CDK14: variants seen among roughly 807,000 people sequenced by gnomAD.
CDK14 encodes the protein cyclin dependent kinase 14, also known as cyclin-dependent kinase 14.
In CDK14, 34 loss-of-function variants were observed where a neutral mutation model predicts 60.7. That is an observed-to-expected ratio of 0.56 (90% CI 0.43 to 0.75). The LOEUF (loss-of-function observed/expected upper bound fraction) is 0.75. Ranked by LOEUF, CDK14 falls within the 30% of genes least tolerant of loss-of-function variation. The pLI is 0.00. For missense variants in CDK14, 482 were observed against 564.1 expected (o/e 0.85, Z 1.47); for synonymous variants, 197 against 203.7 (o/e 0.97, Z 0.28).
intron 8 of CDK14, among the ~76,000 whole-genome samples, chr7:90,943,061 C>T (rs1422984220): frequency 3.9e-5 from 6 of 152,018 alleles, no homozygotes; most frequent in South Asian, 2.1e-4. Flanking sequence ...GCTAAAGTGT[C>T]GTGCTGAATC....
At chr7:90,883,025 T>C (rs1177804734) in intron 6 of CDK14, among the ~76,000 whole-genome samples, 1 of 150,948 alleles carries the variant, frequency 6.6e-6, no homozygotes, top group Non-Finnish European at 1.5e-5. Context: ...ACATCACAAT[T>C]AAAAGAGCTA....
chr7:90,639,808 C>G (rs528444873), intron 2 of CDK14, among the ~76,000 whole-genome samples: 8 of 152,272 alleles, frequency 5.3e-5, no homozygotes, highest in African/African-American at 1.4e-4. Context: ...TTTACCTAAG[C>G]AAGCCTGGGC....
intron 4 of CDK14, among the ~76,000 whole-genome samples, chr7:90,759,318 A>G (rs879130251): frequency 1.3e-5 from 2 of 152,154 alleles, no homozygotes; most frequent in Non-Finnish European, 2.9e-5. Context: ...ATATTCACTC[A>G]TTGGTTATCA....
chr7:90,876,058 C>T (rs1403494998), intron 6 of CDK14, among the ~76,000 whole-genome samples: 1 of 152,086 alleles, frequency 6.6e-6, no homozygotes, highest in Non-Finnish European at 1.5e-5. Context: ...TGGGCTCTCT[C>T]TTGAATATTT....
At chr7:90,901,809 A>G (rs1792515144) in intron 7 of CDK14, among the ~76,000 whole-genome samples, 1 of 152,042 alleles carries the variant, frequency 6.6e-6, no homozygotes. Flanking sequence ...AAATTGGAAA[A>G]GAAGTCCTCT....
intron 9 of CDK14, among the ~76,000 whole-genome samples, chr7:90,981,122 T>C (rs1795216840): frequency 6.6e-6 from 1 of 152,156 alleles, no homozygotes; most frequent in Admixed American, 6.6e-5. Context: ...CTATTTAAGA[T>C]CCAAGGTATT....
chr7:91,133,462 A>G (rs1261713927), intron 14 of CDK14, among the ~76,000 whole-genome samples: 1 of 152,188 alleles, frequency 6.6e-6, no homozygotes, highest in Non-Finnish European at 1.5e-5. Context: ...AACAGAGTAG[A>G]CCATTTAAAT....
At chr7:90,693,100 T>A (rs951380972) in intron 2 of CDK14, among the ~76,000 whole-genome samples, 1 of 152,202 alleles carries the variant, frequency 6.6e-6, no homozygotes, top group African/African-American at 2.4e-5. Flanking sequence ...CATACTGTTA[T>A]AGGAAGTATT....
chr7:91,196,208 G>A (rs988596857), intron 14 of CDK14, among the ~76,000 whole-genome samples: 1 of 152,224 alleles, frequency 6.6e-6, no homozygotes, highest in Admixed American at 6.5e-5. Flanking sequence ...CAGAAAGAGA[G>A]TAGAATAGTC....
chr7:90,738,626 A>G (rs1405723131), intron 3 of CDK14, among the ~76,000 whole-genome samples: 1 of 152,220 alleles, frequency 6.6e-6, no homozygotes, highest in East Asian at 1.9e-4. Flanking sequence ...ATTGCTGATT[A>G]GCCCTCTGTA....
In CDK14 at chr7:91,003,471, AAAT is replaced by A. The variant is rs547380307; in HGVS notation, c.1041+19233_1041+19235del. Among the ~76,000 whole-genome samples, 334 of 152,292 alleles carry A rather than the reference AAAT, an allele frequency of 2.2e-3. 1 individual carries two copies. The highest frequency in any genetic ancestry group is 7.8e-3 in the African/African-American group (322 of 41,542). On this transcript the variant is annotated intron_variant, in intron 10 of 14. Transcript: ENST00000380050. ...GGCAAAAATGACATGTCTTAGAAAA[AAAT>A]AAATCGTTTGTTCCTTTCTCATGTG...
chr7:91,179,522 G>A (rs1307316333), intron 14 of CDK14, among the ~76,000 whole-genome samples: 1 of 148,404 alleles, frequency 6.7e-6, no homozygotes, highest in Non-Finnish European at 1.5e-5. Flanking sequence ...AAAAAATGCA[G>A]CCCGGCGCAG....
intron 12 of CDK14, among the ~76,000 whole-genome samples, chr7:91,084,207 C>T (rs994315561): frequency 2.6e-5 from 4 of 152,192 alleles, no homozygotes; most frequent in Non-Finnish European, 4.4e-5. Context: ...ACCCCATATT[C>T]ATGGGAGCTT....
At chr7:90,839,189 G>A (rs1790210598) in intron 5 of CDK14, among the ~76,000 whole-genome samples, 1 of 152,186 alleles carries the variant, frequency 6.6e-6, no homozygotes, top group South Asian at 2.1e-4. Context: ...AGAAAATTTG[G>A]GTGAAAGAAA....
intron 2 of CDK14, among the ~76,000 whole-genome samples, chr7:90,704,512 T>G (rs1164875587): frequency 2.0e-5 from 3 of 152,186 alleles, no homozygotes; most frequent in Non-Finnish European, 4.4e-5. Flanking sequence ...AGGTTTTGAA[T>G]GGTCTTCCTC....
chr7:90,970,098 TG>T (rs1794877866), intron 9 of CDK14, among the ~76,000 whole-genome samples: 1 of 152,048 alleles, frequency 6.6e-6, no homozygotes, highest in Non-Finnish European at 1.5e-5. Context: ...CCTGAGTAGC[TG>T]GGATTACAGA....
chr7:91,180,564 GT>G (rs1801970390), intron 14 of CDK14, among the ~76,000 whole-genome samples: 2 of 152,082 alleles, frequency 1.3e-5, no homozygotes, highest in Admixed American at 6.5e-5. Flanking sequence ...GAGCAGAATT[GT>G]TTTTTTGCTC....
intron 2 of CDK14, among the ~76,000 whole-genome samples, chr7:90,718,711 C>G (rs1490615945): frequency 6.6e-6 from 1 of 152,148 alleles, no homozygotes; most frequent in Non-Finnish European, 1.5e-5. Flanking sequence ...TTACTGCCAT[C>G]TCTGTGTATA....
At chr7:90,844,149 A>G (rs1181734755) in intron 5 of CDK14, among the ~76,000 whole-genome samples, 1 of 152,230 alleles carries the variant, frequency 6.6e-6, no homozygotes, top group Non-Finnish European at 1.5e-5. Context: ...GAAAAATTAG[A>G]AAAGCACTTT....
Sources: allele counts gnomAD v4.1 joint callset (sites outside exome capture counted in the v4.1 genomes callset), GRCh38; gene constraint gnomAD v4.1.1; transcripts MANE v1.5; gene names NCBI Gene and HGNC (gene_info 2026-07-23, HGNC 2026-07-21).